Variants in DZANK1 observed in about 807,000 individuals in gnomAD.
DZANK1 encodes double zinc ribbon and ankyrin repeat domains 1, also known as double zinc ribbon and ankyrin repeat-containing protein 1.
In DZANK1, 91 loss-of-function variants were observed where a neutral mutation model predicts 94.5. The observed-to-expected ratio is 0.96, with a 90% CI of 0.81 to 1.15. The LOEUF (loss-of-function observed/expected upper bound fraction) is 1.15, where lower values mean the gene tolerates loss of function less well. DZANK1 is among the 50% of genes most tolerant of loss of function. The pLI, the probability that DZANK1 is intolerant of heterozygous loss-of-function variation, is 0.00. For missense variants in DZANK1, 903 were observed against 916.4 expected, an observed-to-expected ratio of 0.99 and a Z score of 0.19; for synonymous variants, 312 against 325.3, an observed-to-expected ratio of 0.96 and a Z score of 0.44.
rs757416260 is a variant in DZANK1 at position 18,455,236 on chromosome 20, T to G, written c.378+11A>C. ...GTGACAATCTGAATGGATTATAGTT[T>G]CATTACTTGCCTGCCTTGAAGAATC... On this transcript the variant is annotated intron_variant, in intron 4 of 20. Transcript: ENST00000262547. The G allele has an allele frequency of 6.3e-7, 1 of 1,579,868 alleles. No individual in the cohort carries two copies. Among genetic ancestry groups the G allele is most frequent in the Non-Finnish European group, 8.6e-7 (1 of 1,158,528 alleles).
At chr20:18,409,273 CA>C (rs1286212220) in intron 13 of DZANK1, among the ~76,000 whole-genome samples, 1 of 151,984 alleles carries the variant, frequency 6.6e-6, no homozygotes, top group African/African-American at 2.4e-5. Context: ...AAGAATATGA[CA>C]AGAAGAGAAT....
chr20:18,430,124 A>C lies in DZANK1; in HGVS notation c.862-2965T>G, dbSNP rs116579363. On this transcript the variant is annotated intron_variant, in intron 9 of 20. Transcript: ENST00000262547. ...AGAGGAGAACAATTTTCAAACTCCC[A>C]AGTGATAAGCTTTAAGTGACACAAT... Among the ~76,000 whole-genome samples, 529 of 152,374 alleles carry C rather than the reference A, an allele frequency of 3.5e-3. 3 individuals carry two copies. The highest frequency in any genetic ancestry group is 0.012 in the African/African-American group (495 of 41,588).
chr20:18,456,766 A>G (rs910337280), intron 3 of DZANK1, among the ~76,000 whole-genome samples: 1 of 152,302 alleles, frequency 6.6e-6, no homozygotes, highest in East Asian at 1.9e-4. Flanking sequence ...GTTGAGTAGT[A>G]TTCCATTTTA....
intron 10 of DZANK1, among the ~76,000 whole-genome samples, chr20:18,425,755 G>A (rs1440229490): frequency 6.6e-6 from 1 of 152,136 alleles, no homozygotes; most frequent in Non-Finnish European, 1.5e-5. Flanking sequence ...TTATGAAAAA[G>A]GGAAATCTGG....
At chr20:18,420,177 C>G (rs2057710471) in intron 10 of DZANK1, 1 of 204,598 alleles carries the variant, frequency 4.9e-6, no homozygotes, top group Non-Finnish European at 1.1e-5. Flanking sequence ...TTTAAAGTCT[C>G]CAAAGCTTTA....
intron 19 of DZANK1, among the ~76,000 whole-genome samples, chr20:18,388,158 C>A (rs1032844641): frequency 3.9e-5 from 6 of 152,198 alleles, no homozygotes; most frequent in African/African-American, 1.4e-4. Context: ...GATCCCTGTG[C>A]TCTACGTGAG....
chr20:18,398,345 T>G (rs1483189683), intron 14 of DZANK1, 178 bp downstream of exon 14: 4 of 591,664 alleles, frequency 6.8e-6, no homozygotes, highest in Non-Finnish European at 1.2e-5. Context: ...GAGACAATAT[T>G]CATGTGCAAG....
Position 18,427,105 on chromosome 20 carries a change from A to G in DZANK1, c.916T>C (p.Cys306Arg), listed in dbSNP as rs778613421. The G allele has an allele frequency of 1.3e-5, 21 of 1,612,684 alleles. No individual in the cohort carries two copies. The South Asian group carries it at 2.0e-4, about 15-fold the overall frequency. ...GGCAGGGCCCCCTCACAGGTGACACAGTATCTCAGGTGAGCAGGATTTCCT... is the reference window on the plus strand; with the variant it reads ...GGCAGGGCCCCCTCACAGGTGACACGGTATCTCAGGTGAGCAGGATTTCCT... Residue 306 changes from cysteine (C) to arginine (R), a missense_variant, in exon 10 of 21, where the codon TGT becomes CGT. Physicochemically the swap from Cys to Arg is radical, Grantham distance 180. Coordinates refer to ENST00000262547, the Ensembl canonical transcript of DZANK1.
At chr20:18,431,618 G>A (rs1600983427) in intron 9 of DZANK1, among the ~76,000 whole-genome samples, 1 of 152,216 alleles carries the variant, frequency 6.6e-6, no homozygotes, top group Non-Finnish European at 1.5e-5. Flanking sequence ...AGCAGTAATA[G>A]TGATTGTCTG....
At chr20:18,395,213 T>C (rs2056268414) in intron 15 of DZANK1, among the ~76,000 whole-genome samples, 1 of 152,004 alleles carries the variant, frequency 6.6e-6, no homozygotes, top group Non-Finnish European at 1.5e-5. Context: ...ATACAAAACT[T>C]AGCTGGGTGT....
intron 13 of DZANK1, among the ~76,000 whole-genome samples, chr20:18,405,131 G>A (rs1461956990): frequency 6.8e-6 from 1 of 147,968 alleles, no homozygotes; most frequent in Non-Finnish European, 1.5e-5. Flanking sequence ...AGGAGTTTGA[G>A]ATTGCAGTGA....
At chr20:18,456,079 G>T (rs1283477533) in intron 3 of DZANK1, among the ~76,000 whole-genome samples, 1 of 152,144 alleles carries the variant, frequency 6.6e-6, no homozygotes, top group Non-Finnish European at 1.5e-5. Flanking sequence ...GGCCATTTTT[G>T]AAGACTATCT....
At chr20:18,399,437 C>A (rs933602678) in intron 13 of DZANK1, among the ~76,000 whole-genome samples, 7 of 151,998 alleles carry the variant, frequency 4.6e-5, no homozygotes, top group Non-Finnish European at 1.0e-4. Flanking sequence ...ACCATGCTAC[C>A]CAGGCTGGTC....
intron 9 of DZANK1, among the ~76,000 whole-genome samples, chr20:18,431,116 G>C (rs972609199): frequency 2.0e-5 from 3 of 151,804 alleles, no homozygotes; most frequent in African/African-American, 7.3e-5. Context: ...CAAAAAATTA[G>C]GTATTAATTA....
At chr20:18,448,865 T>C (rs6105923) in intron 7 of DZANK1, 119 bp downstream of exon 7, 3 of 650,664 alleles carry the variant, frequency 4.6e-6, no homozygotes, top group Admixed American at 3.4e-5. Flanking sequence ...AGACTCCGTC[T>C]CAAAAAAAAA....
chr20:18,436,009 T>A (rs146293267), intron 8 of DZANK1, among the ~76,000 whole-genome samples: 143 of 152,190 alleles, frequency 9.4e-4, no homozygotes, highest in African/African-American at 3.4e-3. Context: ...AAAAAACTTA[T>A]GAGACATGCA....
chr20:18,444,750 T>C (rs2058820074), intron 7 of DZANK1, among the ~76,000 whole-genome samples: 1 of 152,160 alleles, frequency 6.6e-6, no homozygotes, highest in Non-Finnish European at 1.5e-5. Flanking sequence ...TTTAAAAAGC[T>C]AGGCCTAACT....
rs1208653624 is a variant in DZANK1, at chr20:18,428,239, C to T, written c.862-1080G>A. The stretch of plus-strand genomic sequence containing the variant: ...AATCTCCTTCTGTCACCCAGGCTGG[C>T]GTGCAGTGGCGAGATCTCAGCTCAC... On this transcript the variant is annotated intron_variant, in intron 9 of 20. Coordinates refer to ENST00000262547, the Ensembl canonical transcript of DZANK1. Among the ~76,000 whole-genome samples, 8 of 150,868 alleles carry T rather than the reference C, an allele frequency of 5.3e-5. No individual in the cohort carries two copies. In the South Asian group the frequency reaches 1.1e-3, roughly 20 times the overall value.
At chr20:18,414,641 C>G in intron 11 of DZANK1, 129 bp from the exon 12 acceptor site, 3 of 1,116,304 alleles carry the variant, frequency 2.7e-6, no homozygotes, top group Non-Finnish European at 3.8e-6. Flanking sequence ...AGAATTTATC[C>G]TACAGATGGA....
Sources: allele counts gnomAD v4.1 joint callset (sites outside exome capture counted in the v4.1 genomes callset), GRCh38; gene constraint gnomAD v4.1.1; transcripts MANE v1.5; gene names NCBI Gene and HGNC (gene_info 2026-07-23, HGNC 2026-07-21).